RAB38: variants seen among roughly 807,000 people sequenced by gnomAD.
RAB38 encodes the protein RAB38, member RAS oncogene family, also known as ras-related protein Rab-38.
RAB38 carries 15 observed loss-of-function variants against 18.4 expected under a neutral mutation model. That is an observed-to-expected ratio of 0.82 (90% CI 0.55 to 1.26). The LOEUF (loss-of-function observed/expected upper bound fraction) is 1.26, where lower values mean the gene tolerates loss of function less well. RAB38 is among the 50% of genes most tolerant of loss of function. The pLI is 0.00. For missense variants in RAB38, 294 were observed against 267.4 expected (o/e 1.10, Z -0.69); for synonymous variants, 101 against 104.4 (o/e 0.97, Z 0.20).
At chr11:88,071,929 C>A in the RAB38 span, among the ~76,000 whole-genome samples, 3 of 152,206 alleles carry the variant, frequency 2.0e-5, no homozygotes, top group African/African-American at 7.2e-5. Flanking sequence ...AATCATTCAA[C>A]CTCTGACATT....
the RAB38 span, among the ~76,000 whole-genome samples, chr11:87,823,240 A>G: frequency 6.6e-6 from 1 of 152,334 alleles, no homozygotes; most frequent in Admixed American, 6.5e-5. Context: ...GAAAACCAGA[A>G]AACATTGGTC....
At chr11:88,028,381 A>G in the RAB38 span, among the ~76,000 whole-genome samples, 2 of 152,254 alleles carry the variant, frequency 1.3e-5, no homozygotes, top group Admixed American at 1.3e-4. Flanking sequence ...TGGAAAGAGA[A>G]TGACTTTGAC....
the RAB38 span, among the ~76,000 whole-genome samples, chr11:88,044,376 C>G: frequency 6.6e-6 from 1 of 152,122 alleles, no homozygotes; most frequent in East Asian, 1.9e-4. Context: ...TGTCTCTACT[C>G]TCTTTTCTCT....
chr11:88,051,346 A>ACT, the RAB38 span, among the ~76,000 whole-genome samples: 5 of 152,094 alleles, frequency 3.3e-5, no homozygotes, highest in Admixed American at 2.6e-4. Context: ...GTACATGCAT[A>ACT]GATCTGATTC....
chr11:88,146,475 G>T (rs989156601), intron 2 of RAB38, among the ~76,000 whole-genome samples: 11 of 151,990 alleles, frequency 7.2e-5, no homozygotes, highest in African/African-American at 2.7e-4. Flanking sequence ...ATACCTATGG[G>T]AAATGTTCTC....
chr11:88,134,745 T>A (rs1482425220), intron 2 of RAB38, among the ~76,000 whole-genome samples: 1 of 152,206 alleles, frequency 6.6e-6, no homozygotes, highest in Admixed American at 6.5e-5. Flanking sequence ...CTTCCAACCT[T>A]TCTCACTATA....
At chr11:88,129,967 G>A (rs1942746933) in intron 2 of RAB38, among the ~76,000 whole-genome samples, 1 of 152,044 alleles carries the variant, frequency 6.6e-6, no homozygotes, top group South Asian at 2.1e-4. Context: ...TTTGAACCAA[G>A]GATAGTGTAG....
chr11:87,950,484 T>A, the RAB38 span, among the ~76,000 whole-genome samples: 2 of 152,226 alleles, frequency 1.3e-5, no homozygotes, highest in African/African-American at 4.8e-5. Context: ...CTAGCCTCAA[T>A]GGTCTTTACA....
At chr11:88,069,535 T>C in the RAB38 span, among the ~76,000 whole-genome samples, 2 of 152,216 alleles carry the variant, frequency 1.3e-5, no homozygotes, top group African/African-American at 4.8e-5. Flanking sequence ...TTTGGAGAAC[T>C]TTTATGTCTA....
intron 2 of RAB38, among the ~76,000 whole-genome samples, chr11:88,136,058 C>T (rs922544084): frequency 3.9e-5 from 6 of 152,190 alleles, no homozygotes; most frequent in African/African-American, 1.2e-4. Context: ...AATGGATTTA[C>T]AAATCTTGAG....
At chr11:87,926,618 C>T in the RAB38 span, among the ~76,000 whole-genome samples, 19 of 152,046 alleles carry the variant, frequency 1.2e-4, no homozygotes, top group East Asian at 3.7e-3. Context: ...GTTGCTATGT[C>T]ATTGTAGATA....
the RAB38 span, among the ~76,000 whole-genome samples, chr11:87,976,154 A>T: frequency 6.7e-6 from 1 of 148,516 alleles, no homozygotes; most frequent in Non-Finnish European, 1.5e-5. Context: ...ATATACATAT[A>T]TATACCTTTA....
At chr11:88,045,509 C>T in the RAB38 span, among the ~76,000 whole-genome samples, 2 of 152,196 alleles carry the variant, frequency 1.3e-5, no homozygotes, top group Admixed American at 1.3e-4. Flanking sequence ...TGCCCGCAGC[C>T]CGGGATTCCT....
chr11:87,835,961 G>A, the RAB38 span, among the ~76,000 whole-genome samples: 1 of 152,074 alleles, frequency 6.6e-6, no homozygotes, highest in Non-Finnish European at 1.5e-5. Flanking sequence ...TTTCTTCTCA[G>A]CATTAGAATC....
the RAB38 span, among the ~76,000 whole-genome samples, chr11:87,811,778 T>A: frequency 6.6e-6 from 1 of 152,184 alleles, no homozygotes; most frequent in Non-Finnish European, 1.5e-5. Flanking sequence ...AAACTTCCCT[T>A]AAATACATAT....
the RAB38 span, among the ~76,000 whole-genome samples, chr11:87,954,662 C>T: frequency 2.0e-5 from 3 of 152,028 alleles, no homozygotes; most frequent in Admixed American, 6.6e-5. Flanking sequence ...TCAAGAGGAT[C>T]AGCTGCTCAG....
intron 1 of RAB38, among the ~76,000 whole-genome samples, chr11:88,169,753 CAGAG>C (rs1943286286): frequency 6.6e-6 from 1 of 152,200 alleles, no homozygotes; most frequent in Non-Finnish European, 1.5e-5. Flanking sequence ...GATTTAGTCT[CAGAG>C]AGTAGGAGAA....
chr11:88,011,031 A>G, the RAB38 span, among the ~76,000 whole-genome samples: 2 of 152,172 alleles, frequency 1.3e-5, no homozygotes, highest in Non-Finnish European at 2.9e-5. Context: ...TTATTAAGAA[A>G]AAAGTAGTCA....
intron 1 of RAB38, among the ~76,000 whole-genome samples, chr11:88,169,505 A>G (rs1943283569): frequency 6.6e-6 from 1 of 152,196 alleles, no homozygotes; most frequent in Non-Finnish European, 1.5e-5. Context: ...GGAAGATGGA[A>G]TTGTAAGCCT....
Sources: allele counts gnomAD v4.1 joint callset (sites outside exome capture counted in the v4.1 genomes callset), GRCh38; gene constraint gnomAD v4.1.1; transcripts MANE v1.5; gene names NCBI Gene and HGNC (gene_info 2026-07-23, HGNC 2026-07-21).